HHAT: variants seen among roughly 807,000 people sequenced by gnomAD.
HHAT encodes the protein hedgehog acyltransferase.
A neutral mutation model predicts 70.8 loss-of-function variants in HHAT; 47 were observed. The ratio of observed to expected loss-of-function variants is 0.66; its 90% CI spans 0.53 to 0.85. The LOEUF is 0.85. Among genes scored for constraint, HHAT ranks in the 40% least tolerant of loss-of-function variants. The pLI, the probability that HHAT is intolerant of heterozygous loss-of-function variation, is 0.00. For synonymous variants in HHAT, 228 were observed against 247.6 expected (o/e 0.92, Z 0.74); for missense variants, 609 against 604.8 (o/e 1.01, Z -0.07).
At chr1:210,463,456 G>A (rs1443465857) in intron 7 of HHAT, among the ~76,000 whole-genome samples, 1 of 151,972 alleles carries the variant, frequency 6.6e-6, no homozygotes, top group Non-Finnish European at 1.5e-5. Flanking sequence ...ATGTTTTCAG[G>A]GTTCATCCAC....
At chr1:210,337,796 T>A (rs613047) in intron 1 of HHAT, among the ~76,000 whole-genome samples, 95,874 of 152,042 alleles carry the variant, frequency 0.63, 32,582 homozygotes, top group African/African-American at 0.89. Flanking sequence ...GGTTCCAGGG[T>A]TGAGGACATG....
chr1:210,632,657 G>A (rs180734180), intron 11 of HHAT, among the ~76,000 whole-genome samples: 62 of 152,334 alleles, frequency 4.1e-4, no homozygotes, highest in Admixed American at 3.5e-3. Flanking sequence ...GTCTGCGTTC[G>A]ATTTTACAAG....
intron 9 of HHAT, among the ~76,000 whole-genome samples, chr1:210,544,364 T>C (rs564895607): frequency 3.5e-5 from 5 of 142,210 alleles, no homozygotes; most frequent in African/African-American, 1.3e-4. Context: ...CTTTCTTTCT[T>C]TCGTTTTTTT....
chr1:210,527,455 A>G (rs1262188822), intron 9 of HHAT, among the ~76,000 whole-genome samples: 1 of 152,210 alleles, frequency 6.6e-6, no homozygotes, highest in African/African-American at 2.4e-5. Flanking sequence ...ACCAAATAAC[A>G]TAGTACACTT....
chr1:210,355,845 TTTTCAGTACC>T (rs1386564104), intron 2 of HHAT, among the ~76,000 whole-genome samples: 1 of 152,198 alleles, frequency 6.6e-6, no homozygotes, highest in African/African-American at 2.4e-5. Flanking sequence ...CATTGAAAAC[TTTTCAGTACC>T]TTTCAGGGTT....
intron 8 of HHAT, among the ~76,000 whole-genome samples, chr1:210,502,591 A>G (rs1405882166): frequency 6.6e-6 from 1 of 152,150 alleles, no homozygotes; most frequent in East Asian, 1.9e-4. Flanking sequence ...GCATTTACAT[A>G]TTTATCAGGC....
chr1:210,586,797 C>A (rs935889086), intron 9 of HHAT, among the ~76,000 whole-genome samples: 8 of 152,272 alleles, frequency 5.3e-5, no homozygotes, highest in African/African-American at 1.9e-4. Context: ...CCTAGCTTTC[C>A]AGGTCCTAAC....
At chr1:210,391,605 A>G (rs2091464149) in intron 4 of HHAT, among the ~76,000 whole-genome samples, 1 of 152,236 alleles carries the variant, frequency 6.6e-6, no homozygotes, top group African/African-American at 2.4e-5. Context: ...AGGAATTTGT[A>G]GAAAAGGAAA....
At chr1:210,661,468 TCAAC>T (rs1282942087) in intron 11 of HHAT, among the ~76,000 whole-genome samples, 1 of 152,192 alleles carries the variant, frequency 6.6e-6, no homozygotes, top group Admixed American at 6.5e-5. Context: ...GTAAACTAGT[TCAAC>T]CATTGTGGAA....
intron 4 of HHAT, among the ~76,000 whole-genome samples, chr1:210,388,431 G>A (rs555446254): frequency 7.2e-5 from 11 of 152,258 alleles, no homozygotes; most frequent in South Asian, 2.1e-4. Context: ...TTAGAGATGC[G>A]CACCTAACTT....
intron 7 of HHAT, among the ~76,000 whole-genome samples, chr1:210,450,302 G>GGT (rs538866148): frequency 2.0e-5 from 3 of 149,276 alleles, no homozygotes; most frequent in African/African-American, 7.4e-5. Context: ...GGTGGGGGGG[G>GGT]TGGGAAACAG....
At chr1:210,655,391 T>C (rs1403458364) in intron 11 of HHAT, among the ~76,000 whole-genome samples, 1 of 152,180 alleles carries the variant, frequency 6.6e-6, no homozygotes, top group Non-Finnish European at 1.5e-5. Context: ...TGTAGACAAT[T>C]GGTTACTGGT....
rs1035625437 is a variant in HHAT at position 210,339,263 on chromosome 1, T to C, written c.-43-9670T>C. Among the ~76,000 whole-genome samples, 35 of 152,236 alleles carry C rather than the reference T, an allele frequency of 2.3e-4. 2 individuals are homozygous for C. The highest frequency in any genetic ancestry group is 7.2e-4 in the African/African-American group (30 of 41,452). ...ATAAGAAGGTAGGGAACAACCTTTG[T>C]GACATTTTATGTAATAAAGATCCAT... On this transcript the variant is annotated intron_variant, in intron 1 of 11. Coordinates refer to ENST00000261458, the MANE Select transcript of HHAT (RefSeq NM_018194.6).
At chr1:210,626,530 C>T (rs911029658) in intron 11 of HHAT, among the ~76,000 whole-genome samples, 1 of 152,186 alleles carries the variant, frequency 6.6e-6, no homozygotes, top group Non-Finnish European at 1.5e-5. Context: ...GTCCCATGGG[C>T]CTCCTGAGTC....
intron 9 of HHAT, among the ~76,000 whole-genome samples, chr1:210,544,107 T>A (rs1320575262): frequency 2.0e-5 from 3 of 152,178 alleles, no homozygotes; most frequent in Admixed American, 2.0e-4. Flanking sequence ...CTTTATTTTC[T>A]GCAACAGATG....
Position 210,580,732 on chromosome 1 carries a change from G to A in HHAT, c.1044-7166G>A, listed in dbSNP as rs139710676. ...TCTTCATCCAGTCTATCATTGATGGGCATTTGGGTTGGTTCCAAGTCTTTG... is the reference window on the plus strand; with the variant it reads ...TCTTCATCCAGTCTATCATTGATGGACATTTGGGTTGGTTCCAAGTCTTTG... On this transcript the variant is annotated intron_variant, in intron 9 of 11. Coordinates refer to ENST00000261458, the MANE Select transcript of HHAT (RefSeq NM_018194.6). 6.0e-3 allele frequency among the ~76,000 whole-genome samples: 915 copies of A among 152,068 alleles called. 8 individuals carry two copies. The highest frequency in any genetic ancestry group is 0.021 in the African/African-American group (858 of 41,488).
intron 6 of HHAT, among the ~76,000 whole-genome samples, chr1:210,415,157 C>A (rs4845016): frequency 6.6e-6 from 1 of 152,220 alleles, no homozygotes; most frequent in East Asian, 1.9e-4. Context: ...CATGACCATA[C>A]AATATTGAGG....
intron 2 of HHAT, among the ~76,000 whole-genome samples, chr1:210,359,845 C>G (rs149479339): frequency 2.0e-5 from 3 of 151,440 alleles, no homozygotes; most frequent in African/African-American, 7.3e-5. Context: ...CCAACCTAGG[C>G]GACAGAGCGA....
chr1:210,373,481 C>T (rs999772252), intron 3 of HHAT, among the ~76,000 whole-genome samples: 6 of 152,166 alleles, frequency 3.9e-5, no homozygotes, highest in East Asian at 1.9e-4. Context: ...CACAGGGGCA[C>T]GTGGGAGAAG....
Sources: gnomAD v4.1 joint callset for allele counts (sites outside exome capture counted in the v4.1 genomes callset) on GRCh38, gnomAD v4.1.1 for gene constraint, MANE v1.5 for transcripts, NCBI Gene and HGNC (gene_info 2026-07-23, HGNC 2026-07-21) for gene names.